The following ABLIM1 variants were observed in gnomAD, a reference collection of about 807,000 sequenced individuals.
ABLIM1 encodes the protein actin binding LIM protein 1.
A neutral mutation model predicts 107.0 loss-of-function variants in ABLIM1; 40 were observed. The ratio of observed to expected loss-of-function variants is 0.37; its 90% CI spans 0.29 to 0.49. The LOEUF is 0.49. Among genes scored for constraint, ABLIM1 ranks in the 20% least tolerant of loss-of-function variants. ABLIM1 has a pLI of 0.97. For missense variants in ABLIM1, 857 were observed against 1,008.5 expected (o/e 0.85, Z 2.04); for synonymous variants, 357 against 357.3 (o/e 1.00, Z 0.01).
In ABLIM1 at chr10:114,443,198, G is replaced by A. The variant is rs189125553; in HGVS notation, c.1933+831C>T. Among the ~76,000 whole-genome samples, 703 of 152,308 alleles carry A rather than the reference G, an allele frequency of 4.6e-3. 2 individuals carry two copies. Among genetic ancestry groups the A allele is most frequent in the Middle Eastern group, 0.01 (3 of 294 alleles). Reference sequence around the variant, plus strand: ...GTGGTTTAAGAGAGAATTGGCTTATGACAAATAGATACAGGGGAAAATACA... The same window carrying A: ...GTGGTTTAAGAGAGAATTGGCTTATAACAAATAGATACAGGGGAAAATACA... On this transcript the variant is annotated intron_variant, in intron 17 of 22. Transcript: ENST00000533213.
intron 1 of ABLIM1, among the ~76,000 whole-genome samples, chr10:114,763,636 G>T (rs1317317017): frequency 2.0e-5 from 3 of 151,972 alleles, no homozygotes; most frequent in South Asian, 2.1e-4. Context: ...ATGCTGCCTT[G>T]GCCTCCCAAA....
chr10:114,743,905 T>C (rs1031685504), intron 1 of ABLIM1, among the ~76,000 whole-genome samples: 2 of 152,072 alleles, frequency 1.3e-5, no homozygotes, highest in African/African-American at 4.8e-5. Flanking sequence ...TTCCAAAACA[T>C]ACAAAACATA....
chr10:114,438,176 T>C (rs1394419920), intron 21 of ABLIM1, among the ~76,000 whole-genome samples: 1 of 152,164 alleles, frequency 6.6e-6, no homozygotes. Flanking sequence ...CTTTGTTGAG[T>C]GGCAGAACAC....
At chr10:114,721,932 G>A (rs1037836407) in intron 1 of ABLIM1, among the ~76,000 whole-genome samples, 3 of 152,108 alleles carry the variant, frequency 2.0e-5, no homozygotes, top group African/African-American at 7.2e-5. Flanking sequence ...AGAAACACCA[G>A]GAAAACAAAT....
At chr10:114,773,028 C>T (rs2083042563), upstream of ABLIM1, among the ~76,000 whole-genome samples, 1 of 151,988 alleles carries the variant, frequency 6.6e-6, no homozygotes, top group Non-Finnish European at 1.5e-5. Flanking sequence ...ACTAGAAATA[C>T]AGCTCCAAAA....
Position 114,752,238 on chromosome 10 carries a change from C to A in ABLIM1, c.-213+15823G>T, listed in dbSNP as rs2142441010. ...GGGAATGGAGGTCCCGGAGGGCACTCTGTTGTATGGTGTGTCCATGACCAC... is the reference window on the plus strand; with the variant it reads ...GGGAATGGAGGTCCCGGAGGGCACTATGTTGTATGGTGTGTCCATGACCAC... On this transcript the variant is annotated intron_variant, in intron 1 of 15. Transcript: ENST00000651092. 1.3e-5 allele frequency among the ~76,000 whole-genome samples: 2 copies of A among 152,292 alleles called. 1 individual carries two copies. Among genetic ancestry groups the A allele is most frequent in the South Asian group, 4.1e-4 (2 of 4,824 alleles).
chr10:114,535,060 CA>C, intron 6 of ABLIM1, among the ~76,000 whole-genome samples: 1 of 152,332 alleles, frequency 6.6e-6, no homozygotes, highest in South Asian at 2.1e-4. Context: ...GGTCAATTCC[CA>C]ACCTGATAGC....
chr10:114,655,896 T>A (rs1282112079), intron 1 of ABLIM1, among the ~76,000 whole-genome samples: 1 of 152,164 alleles, frequency 6.6e-6, no homozygotes, highest in Non-Finnish European at 1.5e-5. Flanking sequence ...GATCTGCTTG[T>A]CAGCCCTCTC....
intron 8 of ABLIM1, among the ~76,000 whole-genome samples, chr10:114,485,665 A>T (rs75594850): frequency 6.6e-6 from 1 of 152,228 alleles, no homozygotes; most frequent in East Asian, 1.9e-4. Flanking sequence ...ATAAAGGGTA[A>T]GAAAGCCAGT....
chr10:114,456,814 G>C (rs1356019406), intron 12 of ABLIM1, among the ~76,000 whole-genome samples: 2 of 152,098 alleles, frequency 1.3e-5, no homozygotes, highest in African/African-American at 2.4e-5. Context: ...AAAGGTTATG[G>C]AGTAGCTGTC....
At chr10:114,583,456 CACACACACACACATATATATAT>C (rs1340535727) in intron 2 of ABLIM1, among the ~76,000 whole-genome samples, 2 of 13,536 alleles carry the variant, frequency 1.5e-4, no homozygotes, top group African/African-American at 2.5e-4. Flanking sequence ...CACACACACA[CACACACACACACATATATATAT>C]ATATATATAT....
At position 114,495,444 on chromosome 10, in the gene ABLIM1, A is replaced by AATGATG. The variant is rs202029028; in HGVS notation, c.895-3572_895-3567dup. Among the ~76,000 whole-genome samples the AATGATG allele has an allele frequency of 3.4e-4, 51 of 150,494 alleles. 2 individuals carry two copies. In the South Asian group the frequency reaches 9.3e-3, roughly 28 times the overall value. On this transcript the variant is annotated intron_variant, in intron 6 of 22. Transcript: ENST00000533213. ...TGATGGTGAGTGGTGCTGGGGTGGT[A>AATGATG]ATGATGATGATGATGATGATGATGG...
chr10:114,583,083 GA>G (rs1389831933), intron 2 of ABLIM1, among the ~76,000 whole-genome samples: 3 of 151,880 alleles, frequency 2.0e-5, no homozygotes, highest in Non-Finnish European at 4.4e-5. Context: ...ACAACCTACA[GA>G]ATGGGAGAAA....
At chr10:114,646,415 A>T (rs1056368800) in intron 1 of ABLIM1, among the ~76,000 whole-genome samples, 1 of 152,242 alleles carries the variant, frequency 6.6e-6, no homozygotes, top group Admixed American at 6.5e-5. Context: ...TGAGGCTAAC[A>T]ATATTTACTG....
intron 1 of ABLIM1, among the ~76,000 whole-genome samples, chr10:114,697,513 G>A (rs1027419943): frequency 2.2e-4 from 34 of 152,356 alleles, no homozygotes; most frequent in Admixed American, 2.2e-3. Flanking sequence ...AAATGCCAGC[G>A]AGTAGGAGGG....
intron 5 of ABLIM1, among the ~76,000 whole-genome samples, chr10:114,546,925 C>CA (rs1247190844): frequency 4.6e-5 from 7 of 151,670 alleles, no homozygotes; most frequent in Non-Finnish European, 1.0e-4. Flanking sequence ...GGACTACAGG[C>CA]ATGTGCCACC....
intron 6 of ABLIM1, among the ~76,000 whole-genome samples, chr10:114,541,106 T>C (rs917498374): frequency 6.6e-6 from 1 of 151,886 alleles, no homozygotes; most frequent in African/African-American, 2.4e-5. Flanking sequence ...AAGCCAGAGA[T>C]TGGGAGGCTG....
At chr10:114,776,295 A>G in the ABLIM1 span, 1 of 151,996 alleles carries the variant, frequency 6.6e-6, no homozygotes, top group East Asian at 1.9e-4. Flanking sequence ...CTTTGAAGGT[A>G]AAGCATATTT....
chr10:114,685,319 A>G (rs145697516), upstream of ABLIM1, among the ~76,000 whole-genome samples: 114 of 152,296 alleles, frequency 7.5e-4, no homozygotes, highest in African/African-American at 2.6e-3. Context: ...TTTAAATGTG[A>G]GGGTAAAACA....
Sources: allele counts gnomAD v4.1 joint callset (sites outside exome capture counted in the v4.1 genomes callset), GRCh38; gene constraint gnomAD v4.1.1; transcripts MANE v1.5; gene names NCBI Gene and HGNC (gene_info 2026-07-23, HGNC 2026-07-21).